Variants in TRIM14 observed in about 807,000 individuals in gnomAD.
TRIM14 encodes tripartite motif-containing protein 14.
Under a neutral mutation model 44.5 loss-of-function variants are expected in TRIM14, and 28 were observed. The ratio of observed to expected loss-of-function variants is 0.63; its 90% CI spans 0.47 to 0.86. The LOEUF is 0.86. Among genes scored for constraint, TRIM14 ranks in the 40% least tolerant of loss-of-function variants. The probability of loss-of-function intolerance (pLI) is 0.00; values close to 1 mark genes in which losing one functional copy is unlikely to be tolerated. For missense variants in TRIM14, 607 were observed against 611.1 expected (o/e 0.99, Z 0.07); for synonymous variants, 299 against 269.2 (o/e 1.11, Z -1.08).
At chr9:98,082,913 C>T (rs563059238), downstream of TRIM14, 5 of 1,614,134 alleles carry the variant, frequency 3.1e-6, no homozygotes, top group Non-Finnish European at 4.2e-6. Flanking sequence ...GACATGCTCA[C>T]CGTGAAGGTG....
intron 4 of TRIM14, among the ~76,000 whole-genome samples, chr9:98,092,218 A>G (rs1298808415): frequency 6.6e-6 from 1 of 152,170 alleles, no homozygotes; most frequent in East Asian, 1.9e-4. Flanking sequence ...GGCGCGAACA[A>G]CTACTGGATC....
intron 1 of TRIM14, among the ~76,000 whole-genome samples, chr9:98,118,683 C>A (rs962508998): frequency 2.0e-5 from 3 of 152,206 alleles, no homozygotes; most frequent in Non-Finnish European, 4.4e-5. Context: ...TGTGGCGGAT[C>A]GGCCATGGTG....
chr9:98,095,043 CG>C lies in TRIM14; in HGVS notation c.538-15del. ...GGCCGTGTATGCCTGTGTGGGCACA[CG>C]GGGGTGAGGGTGGCTCTGGGAGATG... is the stretch of plus-strand genomic sequence containing the variant. On this transcript the variant is annotated splice_polypyrimidine_tract_variant and intron_variant, in intron 3 of 5. Transcript: ENST00000341469. The surrounding 1 kb of genome is among the most constrained non-coding windows in gnomAD (Gnocchi z 4.1). 1 of 1,608,734 alleles carries C rather than the reference CG, an allele frequency of 6.2e-7. No homozygotes were observed.
chr9:98,045,001 T>C, the TRIM14 span, among the ~76,000 whole-genome samples: 1 of 152,006 alleles, frequency 6.6e-6, no homozygotes, highest in African/African-American at 2.4e-5. Context: ...TGGTCCCAGC[T>C]ACGTGAGAGG....
intron 2 of TRIM14, among the ~76,000 whole-genome samples, chr9:98,105,262 G>A (rs142555573): frequency 6.6e-6 from 1 of 152,262 alleles, no homozygotes; most frequent in Non-Finnish European, 1.5e-5. Flanking sequence ...TCTGGTGCCA[G>A]GCTGGGCCCT....
chr9:98,113,113 CAAAAAA>C (rs57908629), intron 1 of TRIM14, among the ~76,000 whole-genome samples: 19 of 39,268 alleles, frequency 4.8e-4, no homozygotes, highest in African/African-American at 1.4e-3. Context: ...AACTCCATCT[CAAAAAA>C]AAAAAAAAAA....
chr9:98,044,068 T>C, the TRIM14 span, among the ~76,000 whole-genome samples: 3 of 143,974 alleles, frequency 2.1e-5, no homozygotes, highest in African/African-American at 7.8e-5. Flanking sequence ...TTTTGTGGAG[T>C]GGGTCAAAGT....
In TRIM14 at chr9:98,091,949, C is replaced by T. The variant is rs2118283529; in HGVS notation, c.753G>A (p.Leu251=). 1 of 1,610,748 alleles carries T rather than the reference C, an allele frequency of 6.2e-7. No individual in the cohort carries two copies. The highest frequency in any genetic ancestry group is 8.5e-7 in the Non-Finnish European group (1 of 1,177,640). ...ATCGCTCTGGTGAGGGGCTGGTTTTCAACAAGGTACCTGGCTTGGTGCTGG... is the reference window on the plus strand; with the variant it reads ...ATCGCTCTGGTGAGGGGCTGGTTTTTAACAAGGTACCTGGCTTGGTGCTGG... The part of the protein sequence containing the change: ...DPSSTKPGTL[L]KTSPSPERSL... The change falls in exon 5 of 6, where the codon TTG becomes TTA. Residue 251 remains leucine, a synonymous_variant. Transcript: ENST00000341469.
At position 98,084,785 on chromosome 9, in the gene TRIM14, T is replaced by G. The variant is rs1261852003; in HGVS notation, c.*2685A>C. On this transcript the variant is annotated 3_prime_UTR_variant, in exon 6 of 6. Transcript: ENST00000341469. ...CCTGGGTTCAAGCAACTCTCTTGCC[T>G]CAGCCTCCCTAGTAGCTGGGATTAC... The G allele has an allele frequency of 6.6e-6, 1 of 152,300 alleles. No individual in the cohort carries two copies. The highest frequency in any genetic ancestry group is 1.5e-5 in the Non-Finnish European group (1 of 68,110). The allele number at this position is 152,300 out of a possible 1,614,324, so 9.4% of individuals were successfully genotyped here.
rs540053537 is a variant in TRIM14 at position 98,085,694 on chromosome 9, G to A, written c.*1776C>T. ...GTGCTTAAAACTCTGTCCAGCCAGA[G>A]TTTTAAAGTCTTTGGTTAGAAGTTA... On this transcript the variant is annotated 3_prime_UTR_variant, in exon 6 of 6. Coordinates refer to ENST00000341469, the MANE Select transcript of TRIM14 (RefSeq NM_014788.4). The A allele has an allele frequency of 6.6e-6, 1 of 152,108 alleles. No homozygotes were observed. Among genetic ancestry groups the A allele is most frequent in the Non-Finnish European group, 1.5e-5 (1 of 68,016 alleles). 9.4% of individuals were successfully genotyped at this position (152,108 alleles called of 1,614,324 possible).
At chr9:98,113,008 G>A (rs369649327) in intron 1 of TRIM14, among the ~76,000 whole-genome samples, 30 of 150,250 alleles carry the variant, frequency 2.0e-4, no homozygotes, top group Non-Finnish European at 1.3e-4. Flanking sequence ...TAGCTACTCG[G>A]GAGGCTAAGG....
chr9:98,036,786 A>G, the TRIM14 span, among the ~76,000 whole-genome samples: 1 of 152,178 alleles, frequency 6.6e-6, no homozygotes, highest in Non-Finnish European at 1.5e-5. Flanking sequence ...CCTGGGCAAC[A>G]AGAGTGAAAC....
chr9:98,100,947 A>C (rs1282096670), intron 2 of TRIM14, among the ~76,000 whole-genome samples: 2 of 152,158 alleles, frequency 1.3e-5, no homozygotes, highest in African/African-American at 4.8e-5. Context: ...AATCAATTAG[A>C]TGAAATACAA....
intron 3 of TRIM14, among the ~76,000 whole-genome samples, chr9:98,098,632 A>AG (rs1342961273): frequency 1.3e-5 from 2 of 150,392 alleles, no homozygotes; most frequent in African/African-American, 4.9e-5. Context: ...GAATGGTGGG[A>AG]GGTGGAGCTT....
chr9:98,086,518 C>T lies in TRIM14; in HGVS notation c.*952G>A, dbSNP rs1483339695. The T allele has an allele frequency of 6.6e-6, 1 of 152,146 alleles. No individual in the cohort carries two copies. Among genetic ancestry groups the T allele is most frequent in the African/African-American group, 2.4e-5 (1 of 41,398 alleles). The allele number at this position is 152,146 out of a possible 1,614,324, so 9.4% of individuals were successfully genotyped here. On this transcript the variant is annotated 3_prime_UTR_variant, in exon 6 of 6. Coordinates refer to ENST00000341469, the MANE Select transcript of TRIM14 (RefSeq NM_014788.4). ...TTTTCAGGGTGGAGAGAGTATAGGA[C>T]AAAGCTGCCCTTCCAAAGCCTCCAA...
chr9:98,115,469 C>T (rs183834160), intron 1 of TRIM14, among the ~76,000 whole-genome samples: 1 of 152,256 alleles, frequency 6.6e-6, no homozygotes, highest in East Asian at 1.9e-4. Flanking sequence ...ATACTGGTCT[C>T]GAACTTCTGA....
intron 4 of TRIM14, chr9:98,092,445 C>G: frequency 2.8e-6 from 1 of 361,468 alleles, no homozygotes; most frequent in Non-Finnish European, 5.6e-6. Context: ...ACCCTTCCCC[C>G]CTTGCCCAGG....
chr9:98,039,995 C>T, the TRIM14 span, among the ~76,000 whole-genome samples: 1 of 152,154 alleles, frequency 6.6e-6, no homozygotes, highest in Non-Finnish European at 1.5e-5. Context: ...AGGCACGCGC[C>T]ACCATGTCTG....
intron 1 of TRIM14, among the ~76,000 whole-genome samples, chr9:98,117,400 C>T (rs1292684973): frequency 2.6e-5 from 4 of 152,182 alleles, no homozygotes; most frequent in South Asian, 2.1e-4. Context: ...CAGGTTCAAG[C>T]GATTCTCATG....
Sources: allele counts gnomAD v4.1 joint callset (sites outside exome capture counted in the v4.1 genomes callset), GRCh38; gene constraint gnomAD v4.1.1; non-coding constraint Gnocchi (gnomAD v3.1); transcripts MANE v1.5; gene names NCBI Gene and HGNC (gene_info 2026-07-23, HGNC 2026-07-21).